Variants in ANXA4 observed in about 807,000 individuals in gnomAD.
ANXA4 encodes the protein annexin A4.
Under a neutral mutation model 49.8 loss-of-function variants are expected in ANXA4, and 39 were observed. The observed-to-expected ratio is 0.78, with a 90% CI of 0.61 to 1.02. The LOEUF (loss-of-function observed/expected upper bound fraction) is 1.02, where lower values mean the gene tolerates loss of function less well. ANXA4 is among the 50% of genes least tolerant of loss of function. The pLI is 0.00. For synonymous variants in ANXA4, 134 were observed against 152.5 expected, an observed-to-expected ratio of 0.88 and a Z score of 0.89; for missense variants, 360 against 410.1, an observed-to-expected ratio of 0.88 and a Z score of 1.05.
intron 2 of ANXA4, among the ~76,000 whole-genome samples, chr2:69,676,108 T>TA (rs1269536928): frequency 1.3e-5 from 2 of 151,918 alleles, no homozygotes; most frequent in Non-Finnish European, 2.9e-5. Context: ...TTTAAAAAAC[T>TA]AAATCAAGAT....
intron 1 of ANXA4, among the ~76,000 whole-genome samples, chr2:69,754,622 T>C (rs1670975157): frequency 6.6e-6 from 1 of 152,186 alleles, no homozygotes; most frequent in Non-Finnish European, 1.5e-5. Flanking sequence ...TCTGTAGATC[T>C]AGGGTTGGGC....
At chr2:69,768,124 A>G (rs1671569533) in intron 1 of ANXA4, among the ~76,000 whole-genome samples, 1 of 152,204 alleles carries the variant, frequency 6.6e-6, no homozygotes, top group Non-Finnish European at 1.5e-5. Flanking sequence ...CTTATCACCT[A>G]TTACTGAGTG....
chr2:69,679,826 A>T (rs892174029), intron 2 of ANXA4, among the ~76,000 whole-genome samples: 1 of 152,046 alleles, frequency 6.6e-6, no homozygotes, highest in Non-Finnish European at 1.5e-5. Context: ...AAATAAGTGG[A>T]TTTACTTCCG....
intron 1 of ANXA4, among the ~76,000 whole-genome samples, chr2:69,645,642 C>A (rs1675981332): frequency 6.6e-6 from 1 of 152,194 alleles, no homozygotes; most frequent in South Asian, 2.1e-4. Flanking sequence ...TTCAGTGATA[C>A]AAAAACTCCC....
chr2:69,765,229 G>C (rs1310655779), intron 1 of ANXA4, among the ~76,000 whole-genome samples: 1 of 151,978 alleles, frequency 6.6e-6, no homozygotes, highest in Non-Finnish European at 1.5e-5. Context: ...TGTTCTTTTG[G>C]GTATATGTAT....
At chr2:69,777,261 T>C (rs1671993799) in intron 1 of ANXA4, among the ~76,000 whole-genome samples, 1 of 152,188 alleles carries the variant, frequency 6.6e-6, no homozygotes, top group East Asian at 1.9e-4. Context: ...ATAGGCATGA[T>C]TGATCCAATC....
chr2:69,647,413 TTTA>T, intron 1 of ANXA4, among the ~76,000 whole-genome samples: 1 of 144,080 alleles, frequency 6.9e-6, no homozygotes, highest in African/African-American at 2.6e-5. Context: ...TATTTATTTA[TTTA>T]TTTATTTTTT....
chr2:69,654,000 A>T (rs1052774900), intron 2 of ANXA4, among the ~76,000 whole-genome samples: 3 of 152,154 alleles, frequency 2.0e-5, no homozygotes, highest in African/African-American at 7.2e-5. Context: ...GGTCCTTCAC[A>T]TCCCTTATAA....
chr2:69,754,777 T>C (rs113248281), intron 1 of ANXA4, among the ~76,000 whole-genome samples: 7 of 152,322 alleles, frequency 4.6e-5, no homozygotes, highest in Non-Finnish European at 8.8e-5. Context: ...ACACATCCTA[T>C]CCTTTCCAGG....
rs948519484 is a variant in ANXA4, at chr2:69,820,912, G to A, written c.906+91G>A. The stretch of plus-strand genomic sequence containing the variant: ...TAGCACTTGTTGTCCCCCTCTTCTT[G>A]GCATATATCATTTCCCTTAAAGATT... On this transcript the variant is annotated intron_variant, in intron 12 of 12. Transcript: ENST00000394295. 72 of 1,355,276 alleles carry A rather than the reference G, an allele frequency of 5.3e-5. No homozygotes were observed. The African/African-American group carries it at 9.1e-4, about 17-fold the overall frequency. The allele number at this position is 1,355,276 out of a possible 1,614,324, so 84.0% of individuals were successfully genotyped here.
upstream of ANXA4, among the ~76,000 whole-genome samples, chr2:69,739,715 C>G (rs1670337091): frequency 6.6e-6 from 1 of 152,130 alleles, no homozygotes; most frequent in South Asian, 2.1e-4. Flanking sequence ...TGAGCCACAG[C>G]ACCCAGCCCT....
At chr2:69,699,409 G>A (rs190712450) in intron 2 of ANXA4, among the ~76,000 whole-genome samples, 2 of 152,314 alleles carry the variant, frequency 1.3e-5, no homozygotes, top group African/African-American at 4.8e-5. Context: ...GGAGACTGAG[G>A]TGGGAGGATC....
At chr2:69,669,987 C>T (rs1677110382) in intron 2 of ANXA4, among the ~76,000 whole-genome samples, 2 of 152,288 alleles carry the variant, frequency 1.3e-5, no homozygotes, top group South Asian at 2.1e-4. Context: ...AAGTACTGAT[C>T]ATTACTAGTG....
chr2:69,812,672 A>G lies in ANXA4; in HGVS notation c.497A>G (p.Asn166Ser). 6.2e-7 allele frequency: 1 copy of G among 1,614,108 alleles called. No homozygotes were observed. The highest frequency in any genetic ancestry group is 1.1e-5 in the South Asian group (1 of 91,080). ...CCTCAGGGTGGGAGGGATGAAGGAAATTATCTGGACGATGCTCTCGTGAGA... is the reference window on the plus strand; with the variant it reads ...CCTCAGGGTGGGAGGGATGAAGGAAGTTATCTGGACGATGCTCTCGTGAGA... ...SLSAGGRDEG[N>S]YLDDALVRQD... is the part of the protein sequence containing the mutation. The change falls in exon 8 of 13, where the codon AAT (asparagine) becomes AGT (serine). Residue 166 changes from asparagine (N) to serine (S), a missense_variant. Physicochemically the swap from Asn to Ser is conservative, Grantham distance 46 (BLOSUM62 1). Transcript: ENST00000394295.
chr2:69,761,042 AAAGT>A (rs1347618910), intron 1 of ANXA4, among the ~76,000 whole-genome samples: 1 of 151,828 alleles, frequency 6.6e-6, no homozygotes, highest in African/African-American at 2.4e-5. Flanking sequence ...AAATAAATAT[AAAGT>A]AAGCCACAAA....
intron 3 of ANXA4, among the ~76,000 whole-genome samples, chr2:69,791,132 G>GT (rs376654110): frequency 1.7e-3 from 255 of 152,282 alleles, no homozygotes; most frequent in South Asian, 3.1e-3. Context: ...ATACCTGTGA[G>GT]TTGGATAAAT....
At chr2:69,684,981 G>A (rs963365044) in intron 2 of ANXA4, among the ~76,000 whole-genome samples, 3 of 152,124 alleles carry the variant, frequency 2.0e-5, no homozygotes, top group Admixed American at 1.3e-4. Context: ...ATGTCTTTGG[G>A]TCTTGAGAAA....
At chr2:69,819,819 G>C (rs538721189) in intron 11 of ANXA4, among the ~76,000 whole-genome samples, 1 of 152,208 alleles carries the variant, frequency 6.6e-6, no homozygotes, top group Admixed American at 6.5e-5. Flanking sequence ...TGTAATCCCA[G>C]CACTTTGGGA....
intron 3 of ANXA4, among the ~76,000 whole-genome samples, chr2:69,801,285 G>A (rs550195877): frequency 1.1e-4 from 17 of 151,946 alleles, no homozygotes; most frequent in Non-Finnish European, 1.9e-4. Context: ...CCTTATCTAC[G>A]TTTGTAGCTT....
Sources: gnomAD v4.1 joint callset for allele counts (sites outside exome capture counted in the v4.1 genomes callset) on GRCh38, gnomAD v4.1.1 for gene constraint, MANE v1.5 for transcripts, NCBI Gene and HGNC (gene_info 2026-07-23, HGNC 2026-07-21) for gene names.